The following METAP1D variants were observed in gnomAD, a reference collection of about 807,000 sequenced individuals.
METAP1D encodes methionyl aminopeptidase type 1D, mitochondrial.
METAP1D carries 31 observed loss-of-function variants against 40.5 expected under a neutral mutation model. The observed-to-expected ratio is 0.77, with a 90% confidence interval of 0.58 to 1.03. The LOEUF is 1.03. Among genes scored for constraint, METAP1D ranks in the 50% least tolerant of loss-of-function variants. The pLI is 0.00. For missense variants in METAP1D, 411 were observed against 420.7 expected (o/e 0.98, Z 0.20); for synonymous variants, 151 against 146.4 (o/e 1.03, Z -0.22).
chr2:172,067,521 G>A (rs1690312723), intron 5 of METAP1D, among the ~76,000 whole-genome samples: 1 of 152,154 alleles, frequency 6.6e-6, no homozygotes, highest in Non-Finnish European at 1.5e-5. Flanking sequence ...TCAGAATCAT[G>A]TGGAAGGAGG....
intron 1 of METAP1D, among the ~76,000 whole-genome samples, chr2:172,026,120 T>C (rs1036601491): frequency 1.3e-5 from 2 of 152,222 alleles, no homozygotes; most frequent in Non-Finnish European, 2.9e-5. Context: ...CCATGTTGCA[T>C]TTGGCTGATA....
intron 7 of METAP1D, 136 bp from the exon 8 acceptor site, chr2:172,079,079 A>T (rs1292726811): frequency 1.2e-6 from 1 of 826,118 alleles, no homozygotes; most frequent in East Asian, 2.6e-5. Context: ...GACTCCAGAA[A>T]TCTCCACCCT....
intron 1 of METAP1D, among the ~76,000 whole-genome samples, chr2:172,037,662 T>C (rs990301386): frequency 2.0e-5 from 3 of 152,214 alleles, no homozygotes; most frequent in Admixed American, 1.3e-4. Context: ...TAGTAAATCA[T>C]AGAGCCAGAG....
intron 1 of METAP1D, among the ~76,000 whole-genome samples, chr2:172,028,908 C>T (rs1244944324): frequency 2.0e-5 from 3 of 152,124 alleles, no homozygotes; most frequent in Non-Finnish European, 4.4e-5. Context: ...TAGTATGTTA[C>T]TTTAATTATG....
rs1449578249 is a variant in METAP1D, at chr2:172,077,825, G to A, written c.733G>A (p.Val245Ile). Reference sequence around the variant, plus strand: ...CATAACTCATCAGAATGGTTTTCAAGTCTGTCCACATTTTGTGGGACATGG... The same window carrying A: ...CATAACTCATCAGAATGGTTTTCAAATCTGTCCACATTTTGTGGGACATGG... ...SHITHQNGFQ[V>I]CPHFVGHGIG... The change falls in exon 7 of 10, where the codon GTC (valine) becomes ATC (isoleucine). Residue 245 changes from valine (V) to isoleucine (I), a missense_variant. Transcript: ENST00000315796. 1 of 1,610,400 alleles carries A rather than the reference G, an allele frequency of 6.2e-7. No individual in the cohort carries two copies. The highest frequency in any genetic ancestry group is 1.7e-5 in the Admixed American group (1 of 59,752).
At chr2:172,001,530 T>TA (rs1688462972) in intron 1 of METAP1D, among the ~76,000 whole-genome samples, 13 of 150,984 alleles carry the variant, frequency 8.6e-5, no homozygotes, top group Admixed American at 8.6e-4. Flanking sequence ...AGAGCGAGAC[T>TA]CCGTCTCAGA....
intron 4 of METAP1D, 23 bp downstream of exon 4, chr2:172,065,775 T>C (rs757008188): frequency 1.9e-6 from 3 of 1,606,414 alleles, no homozygotes; most frequent in African/African-American, 2.7e-5. Flanking sequence ...TAATAACATA[T>C]TGTTCCTTTG....
chr2:172,045,817 GTGTATATATA>G (rs1326515683), intron 1 of METAP1D, among the ~76,000 whole-genome samples: 40 of 16,338 alleles, frequency 2.4e-3, no homozygotes, highest in African/African-American at 4.6e-3. Context: ...GTGTGTGTGT[GTGTATATATA>G]TATATATATA....
chr2:172,007,491 A>G (rs1252211427), intron 1 of METAP1D, among the ~76,000 whole-genome samples: 1 of 151,774 alleles, frequency 6.6e-6, no homozygotes, highest in African/African-American at 2.4e-5. Flanking sequence ...GTTAGGATGG[A>G]TCTATTTGTG....
At chr2:172,001,451 T>C (rs112149118) in intron 1 of METAP1D, among the ~76,000 whole-genome samples, 1 of 151,792 alleles carries the variant, frequency 6.6e-6, no homozygotes, top group African/African-American at 2.4e-5. Context: ...GGTAGGAAAA[T>C]TGCTTTAACC....
intron 1 of METAP1D, among the ~76,000 whole-genome samples, chr2:172,025,589 C>T (rs1689104499): frequency 1.3e-5 from 2 of 152,120 alleles, no homozygotes; most frequent in Admixed American, 1.3e-4. Flanking sequence ...CTCAGCCTCC[C>T]AGGGCTTCCA....
At chr2:172,042,151 ATGTGTACATGTGTACACATATACATATG>A in intron 1 of METAP1D, among the ~76,000 whole-genome samples, 1 of 116,322 alleles carries the variant, frequency 8.6e-6, no homozygotes, top group Admixed American at 8.6e-5. Context: ...ATACATATGT[ATGTGTACATGTGTACACATATACATATG>A]TATGTGTACA....
chr2:172,044,781 C>T (rs1316269388), intron 1 of METAP1D, among the ~76,000 whole-genome samples: 3 of 133,726 alleles, frequency 2.2e-5, no homozygotes, highest in Non-Finnish European at 3.5e-5. Flanking sequence ...TGGCACATGC[C>T]TGTAATCCCA....
At chr2:172,046,930 C>T (rs1689775738) in intron 1 of METAP1D, among the ~76,000 whole-genome samples, 1 of 152,112 alleles carries the variant, frequency 6.6e-6, no homozygotes, top group Non-Finnish European at 1.5e-5. Flanking sequence ...TTTAAAGGTA[C>T]TGAATTTAGG....
intron 7 of METAP1D, among the ~76,000 whole-genome samples, chr2:172,078,774 G>A (rs1206791759): frequency 1.3e-5 from 2 of 152,150 alleles, no homozygotes; most frequent in Non-Finnish European, 2.9e-5. Flanking sequence ...GCTATTTGAA[G>A]TCAGGCCCCT....
At chr2:172,035,227 C>G (rs1366738435) in intron 1 of METAP1D, among the ~76,000 whole-genome samples, 1 of 151,420 alleles carries the variant, frequency 6.6e-6, no homozygotes, top group Middle Eastern at 3.2e-3. Flanking sequence ...TGCAGTGGCC[C>G]GATCTCAGCT....
chr2:172,047,493 G>A (rs1689787260), intron 1 of METAP1D, among the ~76,000 whole-genome samples: 1 of 151,934 alleles, frequency 6.6e-6, no homozygotes, highest in African/African-American at 2.4e-5. Flanking sequence ...GAATGCAGTG[G>A]TGCAATCTCC....
chr2:172,050,427 T>C (rs1178429910), intron 1 of METAP1D, among the ~76,000 whole-genome samples: 2 of 147,626 alleles, frequency 1.4e-5, no homozygotes, highest in Non-Finnish European at 3.1e-5. Flanking sequence ...ATTTTGTTAC[T>C]ATATCAGTTT....
rs1690143874 is a variant in METAP1D, at chr2:172,061,591, A to G, written c.134A>G (p.Gln45Arg). Reference protein sequence around the residue: ...QQRRNFFFRRQRDISHSIVLP... With the variant: ...QQRRNFFFRRRRDISHSIVLP... ...AGAAGAAATTTCTTTTTTCGGAGAC[A>G]AAGAGATATTTCACACAGTATAGTT... Residue 45 changes from glutamine to arginine, a missense_variant, in exon 2 of 10, where the codon CAA becomes CGA. Coordinates refer to ENST00000315796, the MANE Select transcript of METAP1D (RefSeq NM_199227.3). The G allele has an allele frequency of 2.5e-6, 4 of 1,614,060 alleles. No homozygotes were observed. The highest frequency in any genetic ancestry group is 3.4e-6 in the Non-Finnish European group (4 of 1,179,962).
Sources: allele counts gnomAD v4.1 joint callset (sites outside exome capture counted in the v4.1 genomes callset), GRCh38; gene constraint gnomAD v4.1.1; transcripts MANE v1.5; gene names NCBI Gene and HGNC (gene_info 2026-07-23, HGNC 2026-07-21).